SWAP70: variants seen among roughly 807,000 people sequenced by gnomAD.
The protein encoded by SWAP70 is switch-associated protein 70.
In SWAP70, 34 loss-of-function variants were observed where a neutral mutation model predicts 80.2. That is an observed-to-expected ratio of 0.42 (90% CI 0.32 to 0.56). The LOEUF is 0.56. SWAP70 is among the 20% of genes least tolerant of loss of function. SWAP70 has a pLI of 0.09. For missense variants in SWAP70, 578 were observed against 690.7 expected (o/e 0.84, Z 1.83); for synonymous variants, 239 against 238.5 (o/e 1.00, Z -0.02).
intron 1 of SWAP70, among the ~76,000 whole-genome samples, chr11:9,692,511 A>C (rs1205956962): frequency 6.6e-6 from 1 of 151,918 alleles, no homozygotes; most frequent in Non-Finnish European, 1.5e-5. Context: ...GTACATAGCA[A>C]GCTTTCTCAT....
At chr11:9,704,435 C>T (rs918699352) in intron 2 of SWAP70, among the ~76,000 whole-genome samples, 4 of 151,566 alleles carry the variant, frequency 2.6e-5, no homozygotes, top group African/African-American at 9.7e-5. Flanking sequence ...TTCTGTGTTG[C>T]CCAGGCTGGA....
At chr11:9,687,460 C>T (rs1850646618) in intron 1 of SWAP70, among the ~76,000 whole-genome samples, 2 of 152,084 alleles carry the variant, frequency 1.3e-5, no homozygotes, top group African/African-American at 2.4e-5. Flanking sequence ...AATATTGGAG[C>T]TATTTGCCTT....
chr11:9,699,445 T>C (rs1234072244), intron 2 of SWAP70, among the ~76,000 whole-genome samples: 1 of 152,206 alleles, frequency 6.6e-6, no homozygotes, highest in Non-Finnish European at 1.5e-5. Context: ...TCTATAGTTT[T>C]ATTATATGTA....
intron 1 of SWAP70, among the ~76,000 whole-genome samples, chr11:9,687,476 T>TTTTTTTATGG (rs1378854986): frequency 6.6e-6 from 1 of 152,220 alleles, no homozygotes; most frequent in Non-Finnish European, 1.5e-5. Flanking sequence ...GCCTTTTTTG[T>TTTTTTTATGG]TTTTTTATGG....
chr11:9,707,454 C>T (rs1349198911), intron 2 of SWAP70, among the ~76,000 whole-genome samples: 1 of 151,952 alleles, frequency 6.6e-6, no homozygotes. Context: ...AACATAGTGT[C>T]CTCAGGGTTC....
intron 3 of SWAP70, among the ~76,000 whole-genome samples, chr11:9,716,494 TACTC>T (rs771776580): frequency 1.3e-5 from 2 of 152,342 alleles, no homozygotes; most frequent in African/African-American, 2.4e-5. Context: ...TGTGACAAAT[TACTC>T]ACTCTCTCTG....
intron 3 of SWAP70, among the ~76,000 whole-genome samples, chr11:9,722,827 A>G (rs78116919): frequency 0.016 from 2,375 of 152,356 alleles, 60 homozygotes; most frequent in African/African-American, 0.054. Flanking sequence ...TGCGTGGCAC[A>G]TGTGCTAAGG....
At chr11:9,664,450 T>C (rs1850284365) in intron 1 of SWAP70, among the ~76,000 whole-genome samples, 172 bp downstream of exon 1, 1 of 152,234 alleles carries the variant, frequency 6.6e-6, no homozygotes, top group South Asian at 2.1e-4. Context: ...TGGTGTTTAC[T>C]GCCTCCCCCT....
chr11:9,692,781 G>A (rs1850712255), intron 1 of SWAP70, among the ~76,000 whole-genome samples: 1 of 152,098 alleles, frequency 6.6e-6, no homozygotes, highest in Admixed American at 6.6e-5. Context: ...TTGTGGTGCA[G>A]GATTCTCCAA....
intron 1 of SWAP70, among the ~76,000 whole-genome samples, chr11:9,671,635 A>AAT (rs1850399322): frequency 1.2e-4 from 5 of 41,716 alleles, no homozygotes; most frequent in African/African-American, 5.3e-4. Context: ...TAAATATATA[A>AAT]ATATTTCTAT....
At chr11:9,746,667 A>C (rs900399476) in intron 9 of SWAP70, among the ~76,000 whole-genome samples, 1 of 152,232 alleles carries the variant, frequency 6.6e-6, no homozygotes, top group Non-Finnish European at 1.5e-5. Context: ...GCTGCCTTCC[A>C]GTTGCGAAAG....
chr11:9,720,076 C>T (rs994260534), intron 3 of SWAP70: 2 of 985,196 alleles, frequency 2.0e-6, no homozygotes, highest in African/African-American at 3.5e-5. Context: ...AGAATTGATG[C>T]AGGCCACTAG....
Position 9,749,874 on chromosome 11 carries a change from C to T in SWAP70, c.1662C>T (p.Asn554=). 1 of 1,611,634 alleles carries T rather than the reference C, an allele frequency of 6.2e-7. No homozygotes were observed. The highest frequency in any genetic ancestry group is 8.5e-7 in the Non-Finnish European group (1 of 1,177,790). ...LIRLIEPGSK[N]PHLITNWGPA... is the part of the protein sequence containing the mutation. ...ATGTTTGCCTCTTAGGTTCAAAGAA[C>T]CCTCACCTGATCACTAACTGGGGAC... is the stretch of plus-strand genomic sequence containing the variant. The change falls in exon 12 of 12, where the codon AAC becomes AAT. Residue 554 remains asparagine, a synonymous_variant. Transcript: ENST00000318950.
chr11:9,704,792 T>C (rs1850879087), intron 2 of SWAP70, among the ~76,000 whole-genome samples: 1 of 152,192 alleles, frequency 6.6e-6, no homozygotes, highest in Non-Finnish European at 1.5e-5. Flanking sequence ...GTATGTCTTA[T>C]TTTATGTGGG....
rs182449273 is a variant in SWAP70, at chr11:9,706,353, A to G, written c.241-7113A>G. 2.5e-3 allele frequency among the ~76,000 whole-genome samples: 371 copies of G among 148,424 alleles called. 1 individual carries two copies. The highest frequency in any genetic ancestry group is 4.3e-3 in the Non-Finnish European group (289 of 67,794). On this transcript the variant is annotated intron_variant, in intron 2 of 11. Coordinates refer to ENST00000318950, the MANE Select transcript of SWAP70 (RefSeq NM_015055.4). ...TCTGTGTATACTTGGTGATCTGTATACACTGGTGATCTGTATACATTGATC... is the reference window on the plus strand; with the variant it reads ...TCTGTGTATACTTGGTGATCTGTATGCACTGGTGATCTGTATACATTGATC...
chr11:9,677,119 G>A (rs1850512019), intron 1 of SWAP70, among the ~76,000 whole-genome samples: 1 of 151,258 alleles, frequency 6.6e-6, no homozygotes, highest in Admixed American at 6.6e-5. Context: ...CCTTATTAAT[G>A]TGGCACCTGA....
rs1369935710 is a variant in SWAP70 at position 9,750,932 on chromosome 11, T to G, written c.*962T>G. ...TGGCATGTTTCATTCCCATCTCCTT[T>G]CCCCTCACCTTAAAGGAGACTACCC... On this transcript the variant is annotated 3_prime_UTR_variant, in exon 12 of 12. Coordinates refer to ENST00000318950, the MANE Select transcript of SWAP70 (RefSeq NM_015055.4). The G allele has an allele frequency of 6.6e-6, 1 of 152,158 alleles. No homozygotes were observed. Among genetic ancestry groups the G allele is most frequent in the Non-Finnish European group, 1.5e-5 (1 of 68,038 alleles). 9.4% of individuals were successfully genotyped at this position (152,158 alleles called of 1,614,324 possible). A position where few individuals can be genotyped will look rare whatever the true frequency, so the allele number is the denominator to read the frequency against.
At chr11:9,741,894 A>G (rs1851443762) in intron 9 of SWAP70, 1 of 147,450 alleles carries the variant, frequency 6.8e-6, no homozygotes, top group African/African-American at 2.5e-5. Flanking sequence ...ACTTGAACCC[A>G]GGAGTTTATG....
chr11:9,738,471 C>T, intron 8 of SWAP70, 151 bp downstream of exon 8: 1 of 482,120 alleles, frequency 2.1e-6, no homozygotes, highest in South Asian at 4.1e-5. Context: ...CATGTTTGTT[C>T]ATTCATTAAT....
Sources: gnomAD v4.1 joint callset for allele counts (sites outside exome capture counted in the v4.1 genomes callset) on GRCh38, gnomAD v4.1.1 for gene constraint, MANE v1.5 for transcripts, NCBI Gene and HGNC (gene_info 2026-07-23, HGNC 2026-07-21) for gene names.